The following SDK2 variants were observed in gnomAD, a reference collection of about 807,000 sequenced individuals.
SDK2 encodes protein sidekick-2.
SDK2 carries 105 observed loss-of-function variants against 253.9 expected under a neutral mutation model. The ratio of observed to expected loss-of-function variants is 0.41; its 90% confidence interval spans 0.35 to 0.49. The LOEUF (loss-of-function observed/expected upper bound fraction) is 0.49, where lower values mean the gene tolerates loss of function less well. Among genes scored for constraint, SDK2 ranks in the 20% least tolerant of loss-of-function variants. The probability of loss-of-function intolerance (pLI) is 0.06; values close to 1 mark genes in which losing one functional copy is unlikely to be tolerated. For missense variants in SDK2, 2,608 were observed against 3,003.0 expected, an observed-to-expected ratio of 0.87 and a Z score of 3.07; for synonymous variants, 1,249 against 1,234.9, an observed-to-expected ratio of 1.01 and a Z score of -0.24.
intron 12 of SDK2, among the ~76,000 whole-genome samples, chr17:73,429,428 C>T (rs1225729973): frequency 2.6e-5 from 4 of 152,222 alleles, no homozygotes. Flanking sequence ...AGGTGTTTCT[C>T]AAACTGGGGC....
chr17:73,588,387 C>CAAAAAA lies in SDK2; in HGVS notation c.64+55632_64+55637dup, dbSNP rs1215654213. 1.8e-3 allele frequency among the ~76,000 whole-genome samples: 107 copies of CAAAAAA among 58,908 alleles called. 1 individual carries two copies. Among genetic ancestry groups the CAAAAAA allele is most frequent in the African/African-American group, 6.5e-3 (95 of 14,510 alleles). The allele number at this position is 58,908 out of a possible 152,430, so 38.6% of individuals were successfully genotyped here. On this transcript the variant is annotated intron_variant, in intron 1 of 44. Transcript: ENST00000392650. ...GGGCAACAAGGGCGAAACTCCATCT[C>CAAAAAA]AAAAAAAAAAAAAAAAAAAAAAAAA...
At position 73,544,934 on chromosome 17, in the gene SDK2, C is replaced by T. The variant is rs78961407; in HGVS notation, c.65-37337G>A. On this transcript the variant is annotated intron_variant, in intron 1 of 44. Coordinates refer to ENST00000392650, the MANE Select transcript of SDK2 (RefSeq NM_001144952.2). The stretch of plus-strand genomic sequence containing the variant: ...ACTGGGACCTCAACCATTCCCTGGA[C>T]CTGTCTTCTGCAGAGACAGGCCTCC... Among the ~76,000 whole-genome samples, 600 of 152,296 alleles carry T rather than the reference C, an allele frequency of 3.9e-3. 10 individuals are homozygous for T. The highest frequency in any genetic ancestry group is 0.029 in the East Asian group (151 of 5,182).
intron 1 of SDK2, among the ~76,000 whole-genome samples, chr17:73,512,477 T>C (rs1050246789): frequency 2.0e-5 from 3 of 151,666 alleles, no homozygotes; most frequent in Admixed American, 2.0e-4. Context: ...GGAAGGAGAA[T>C]TGTGGATAGA....
In SDK2 at chr17:73,465,740, C is replaced by T. The variant is rs932028216; in HGVS notation, c.331+6372G>A. 5.3e-5 allele frequency among the ~76,000 whole-genome samples: 8 copies of T among 152,102 alleles called. No homozygotes were observed. Among genetic ancestry groups the T allele is most frequent in the African/African-American group, 1.9e-4 (8 of 41,408 alleles). On this transcript the variant is annotated intron_variant, in intron 3 of 44. Transcript: ENST00000392650. This position sits in a 1 kb window ranked among gnomAD's most constrained non-coding sequence, Gnocchi z 4.2. ...GCCTTATTAATTTCTCATTAGAACC[C>T]AATTCACAGTTCTCTTTGGGAAGGG... is the stretch of plus-strand genomic sequence containing the variant.
At chr17:73,557,523 G>A (rs1324556045) in intron 1 of SDK2, among the ~76,000 whole-genome samples, 1 of 152,096 alleles carries the variant, frequency 6.6e-6, no homozygotes, top group Non-Finnish European at 1.5e-5. Context: ...GGCTGGTCTT[G>A]AACATCTGCC....
At chr17:73,611,453 T>C (rs2045973572) in intron 1 of SDK2, among the ~76,000 whole-genome samples, 1 of 152,236 alleles carries the variant, frequency 6.6e-6, no homozygotes, top group Admixed American at 6.5e-5. Flanking sequence ...GGCCCGCCTC[T>C]GTGGCCCCTC....
At position 73,395,164 on chromosome 17, in the gene SDK2, G is replaced by C. The variant is rs757774349; in HGVS notation, c.3583C>G (p.Arg1195Gly). ...TGTGAGGGGTTGGTACCTGACTCCCGGGTCCTGCCCACCACCGTCTGGCTC... is the reference window on the plus strand; with the variant it reads ...TGTGAGGGGTTGGTACCTGACTCCCCGGTCCTGCCCACCACCGTCTGGCTC... ...PWSQTVVGRT[R>G]ESVPSSGPTN... is the part of the protein sequence containing the mutation. Residue 1195 changes from arginine to glycine, a missense_variant, in exon 25 of 45, where the codon CGG becomes GGG. Arg to Gly is a moderately radical substitution (Grantham distance 125). Around this residue, in one of 2 missense-constraint regions of SDK2, gnomAD observed 1,505 missense variants for 1,859.1 expected, o/e 0.81. Coordinates refer to ENST00000392650, the MANE Select transcript of SDK2 (RefSeq NM_001144952.2). The surrounding 1 kb of genome is among the most constrained non-coding windows in gnomAD (Gnocchi z 4.3). 6.3e-7 allele frequency: 1 copy of C among 1,593,210 alleles called. No individual in the cohort carries two copies. The highest frequency in any genetic ancestry group is 1.8e-5 in the Admixed American group (1 of 57,114).
At chr17:73,569,392 T>A (rs955566196) in intron 1 of SDK2, among the ~76,000 whole-genome samples, 1 of 152,044 alleles carries the variant, frequency 6.6e-6, no homozygotes. Flanking sequence ...GAGACGGGGT[T>A]TCACCTTGTT....
Position 73,398,162 on chromosome 17 carries a change from A to C in SDK2, c.3227T>G (p.Ile1076Ser), listed in dbSNP as rs749506739. The stretch of plus-strand genomic sequence containing the variant: ...CTGACTGGGGGGGCTGGTGCCCACG[A>C]TGTTCACCTGGCGCATGCGGAAGCT... ...CYSFRMRQVN[I>S]VGTSPPSQPS... is the part of the protein sequence containing the mutation. Residue 1076 changes from isoleucine (I) to serine (S), a missense_variant, in exon 24 of 45, where the codon ATC becomes AGC. Physicochemically the swap from Ile to Ser is moderately radical, Grantham distance 142. This residue lies in a region of SDK2 where 1,505 missense variants were observed against 1,859.1 expected (regional missense o/e 0.81). Transcript: ENST00000392650. The C allele has an allele frequency of 6.2e-7, 1 of 1,613,308 alleles. No individual in the cohort carries two copies.
At chr17:73,500,959 C>G (rs2063886481) in intron 2 of SDK2, among the ~76,000 whole-genome samples, 1 of 152,198 alleles carries the variant, frequency 6.6e-6, no homozygotes, top group South Asian at 2.1e-4. Flanking sequence ...TTTCTCCAGC[C>G]AGGGGGGTTG....
chr17:73,374,958 T>C (rs555184517), intron 36 of SDK2, among the ~76,000 whole-genome samples: 1 of 152,148 alleles, frequency 6.6e-6, no homozygotes, highest in South Asian at 2.1e-4. Flanking sequence ...CCTCTGAAGG[T>C]CCCAGTCCTC....
At chr17:73,389,839 C>T (rs9895319) in intron 29 of SDK2, among the ~76,000 whole-genome samples, 57,392 of 152,002 alleles carry the variant, frequency 0.38, 12,090 homozygotes, top group African/African-American at 0.57. Flanking sequence ...AACCTCCGTC[C>T]CCCAGGTTCA....
In SDK2 at chr17:73,469,988, G is replaced by GCACA. The variant is rs1405188875; in HGVS notation, c.331+2123_331+2124insTGTG. ...CTGAATGGCATTTGCGACTGCGCGC[G>GCACA]CGCGCACACACACACACACACACAC... On this transcript the variant is annotated intron_variant, in intron 3 of 44. Coordinates refer to ENST00000392650, the MANE Select transcript of SDK2 (RefSeq NM_001144952.2). Among the ~76,000 whole-genome samples, 947 of 112,268 alleles carry GCACA rather than the reference G, an allele frequency of 8.4e-3. 8 individuals carry two copies. Among genetic ancestry groups the GCACA allele is most frequent in the African/African-American group, 0.024 (625 of 25,958 alleles). 73.7% of individuals were successfully genotyped at this position (112,268 alleles called of 152,430 possible).
chr17:73,371,308 A>C (rs536301959), intron 36 of SDK2, among the ~76,000 whole-genome samples: 1 of 151,932 alleles, frequency 6.6e-6, no homozygotes, highest in South Asian at 2.1e-4. Flanking sequence ...TCTTAGGTAG[A>C]GAAGAGGGCT....
chr17:73,548,531 C>T (rs1020570151), intron 1 of SDK2, among the ~76,000 whole-genome samples: 1 of 152,256 alleles, frequency 6.6e-6, no homozygotes, highest in Non-Finnish European at 1.5e-5. Flanking sequence ...TTGTGGGACA[C>T]AGAAACCGAT....
rs2062371226 is a variant in SDK2, at chr17:73,335,524, T to G, written c.*3063A>C. ...CGGTTGGGAGCCTCGGCTGTGCCAGTAGATATGTAAACAAGGGCAAAGAGA... is the reference window on the plus strand; with the variant it reads ...CGGTTGGGAGCCTCGGCTGTGCCAGGAGATATGTAAACAAGGGCAAAGAGA... On this transcript the variant is annotated 3_prime_UTR_variant, in exon 45 of 45. Coordinates refer to ENST00000392650, the MANE Select transcript of SDK2 (RefSeq NM_001144952.2). 1 of 152,244 alleles carries G rather than the reference T, an allele frequency of 6.6e-6. No individual in the cohort carries two copies. Among genetic ancestry groups the G allele is most frequent in the Non-Finnish European group, 1.5e-5 (1 of 68,078 alleles). The allele number at this position is 152,244 out of a possible 1,614,324, so 9.4% of individuals were successfully genotyped here. A position where few individuals can be genotyped will look rare whatever the true frequency, so the allele number is the denominator to read the frequency against.
chr17:73,495,040 T>C (rs2063832416), intron 2 of SDK2, among the ~76,000 whole-genome samples: 1 of 152,156 alleles, frequency 6.6e-6, no homozygotes, highest in African/African-American at 2.4e-5. Flanking sequence ...TGCCCCGGGC[T>C]GAGGATCCAA....
chr17:73,569,259 G>A (rs1349863999), intron 1 of SDK2, among the ~76,000 whole-genome samples: 5 of 150,136 alleles, frequency 3.3e-5, no homozygotes, highest in Non-Finnish European at 7.4e-5. Context: ...GGGCAATGGC[G>A]TCATCTCAGC....
At chr17:73,359,623 C>T (rs2062624459) in intron 39 of SDK2, among the ~76,000 whole-genome samples, 1 of 152,174 alleles carries the variant, frequency 6.6e-6, no homozygotes, top group South Asian at 2.1e-4. Context: ...GCCCCCTGCA[C>T]CCACACCATG....
Sources: allele counts gnomAD v4.1 joint callset (sites outside exome capture counted in the v4.1 genomes callset), GRCh38; gene constraint gnomAD v4.1.1; regional missense constraint gnomAD v4.1.1; non-coding constraint Gnocchi (gnomAD v3.1); transcripts MANE v1.5; gene names NCBI Gene and HGNC (gene_info 2026-07-23, HGNC 2026-07-21).